HS6ST3: variants seen among roughly 807,000 people sequenced by gnomAD.
HS6ST3 encodes heparan-sulfate 6-O-sulfotransferase 3.
Under a neutral mutation model 36.7 loss-of-function variants are expected in HS6ST3, and 12 were observed. The observed-to-expected ratio is 0.33, with a 90% confidence interval of 0.21 to 0.53. The LOEUF (loss-of-function observed/expected upper bound fraction) is 0.53, where lower values mean the gene tolerates loss of function less well. HS6ST3 is among the 20% of genes least tolerant of loss of function. The pLI is 0.95. For synonymous variants in HS6ST3, 240 were observed against 257.5 expected (o/e 0.93, Z 0.65); for missense variants, 584 against 640.9 (o/e 0.91, Z 0.96).
At chr13:96,721,962 G>T (rs1339360841) in intron 1 of HS6ST3, among the ~76,000 whole-genome samples, 1 of 152,108 alleles carries the variant, frequency 6.6e-6, no homozygotes, top group Non-Finnish European at 1.5e-5. Flanking sequence ...GTAAGAGATG[G>T]TTACCCTGTA....
Position 96,698,966 on chromosome 13 carries a change from C to G in HS6ST3, c.708-133524C>G, listed in dbSNP as rs192547533. 3.2e-3 allele frequency among the ~76,000 whole-genome samples: 482 copies of G among 152,270 alleles called. 1 individual carries two copies. The highest frequency in any genetic ancestry group is 0.011 in the African/African-American group (459 of 41,548). On this transcript the variant is annotated intron_variant, in intron 1 of 1. Coordinates refer to ENST00000376705, the MANE Select transcript of HS6ST3 (RefSeq NM_153456.4). ...TGCTGCATATCTACAACTATCTGAT[C>G]TTTGACAAACCTGACAAAAACAAGA...
chr13:96,202,270 G>A (rs1443591269), intron 1 of HS6ST3, among the ~76,000 whole-genome samples: 2 of 152,148 alleles, frequency 1.3e-5, no homozygotes, highest in African/African-American at 2.4e-5. Flanking sequence ...GGGTAAAGGG[G>A]AAATGTATTT....
chr13:96,731,750 G>A (rs1253651478), intron 1 of HS6ST3, among the ~76,000 whole-genome samples: 1 of 151,696 alleles, frequency 6.6e-6, no homozygotes, highest in African/African-American at 2.4e-5. Flanking sequence ...CCTTCCCCCT[G>A]GCTCAGGCAA....
chr13:96,553,886 T>G (rs2056229453), intron 1 of HS6ST3, among the ~76,000 whole-genome samples: 1 of 152,148 alleles, frequency 6.6e-6, no homozygotes, highest in Admixed American at 6.5e-5. Context: ...AACAGCTTGA[T>G]GAAGGAGAGA....
chr13:96,142,750 C>T (rs546053433), intron 1 of HS6ST3, among the ~76,000 whole-genome samples: 54 of 152,164 alleles, frequency 3.5e-4, no homozygotes, highest in Non-Finnish European at 6.2e-4. Context: ...CATGAATACA[C>T]ATGAATAATT....
In HS6ST3 at chr13:96,521,613, T is replaced by C. The variant is rs142070214; in HGVS notation, c.708-310877T>C. The stretch of plus-strand genomic sequence containing the variant: ...ATGTGTCCAGGAATTTATCCCTTTC[T>C]TCTAGATTTTCTAGCTTATTTGCAT... On this transcript the variant is annotated intron_variant, in intron 1 of 1. Transcript: ENST00000376705. Among the ~76,000 whole-genome samples, 1,229 of 152,352 alleles carry C rather than the reference T, an allele frequency of 8.1e-3. 16 individuals carry two copies. Among genetic ancestry groups the C allele is most frequent in the African/African-American group, 0.028 (1,153 of 41,586 alleles).
At chr13:96,195,058 C>T (rs1301270859) in intron 1 of HS6ST3, among the ~76,000 whole-genome samples, 3 of 152,142 alleles carry the variant, frequency 2.0e-5, no homozygotes, top group African/African-American at 7.2e-5. Flanking sequence ...AGATATAAAA[C>T]CATTACTCCT....
rs773848241 is a variant in HS6ST3 at position 96,217,611 on chromosome 13, ATAAAC to A, written c.707+126046_707+126050del. On this transcript the variant is annotated intron_variant, in intron 1 of 1. Coordinates refer to ENST00000376705, the MANE Select transcript of HS6ST3 (RefSeq NM_153456.4). ...TCTCTATCTTTAATTTTACAAATGA[ATAAAC>A]TAAGTCACAGAGACGTTTAATAAAT... Among the ~76,000 whole-genome samples the A allele has an allele frequency of 1.6e-4, 25 of 152,330 alleles. 1 individual carries two copies. Among genetic ancestry groups the A allele is most frequent in the Middle Eastern group, 3.4e-3 (1 of 294 alleles).
At chr13:96,696,247 C>T (rs1456144122) in intron 1 of HS6ST3, among the ~76,000 whole-genome samples, 2 of 152,178 alleles carry the variant, frequency 1.3e-5, no homozygotes, top group Non-Finnish European at 2.9e-5. Flanking sequence ...TCTTCTTTCT[C>T]AAGGGTGTCT....
chr13:96,141,315 A>G lies in HS6ST3; in HGVS notation c.707+49746A>G, dbSNP rs1368037283. On this transcript the variant is annotated intron_variant, in intron 1 of 1. Transcript: ENST00000376705. ...TTGGTTCCAAAGATGCTTTATTCCT[A>G]AAGTCAGAAAGTATCTTGCCAGTAA... 2.0e-5 allele frequency among the ~76,000 whole-genome samples: 3 copies of G among 152,174 alleles called. No homozygotes were observed. In the East Asian group the frequency reaches 5.8e-4, roughly 29 times the overall value.
chr13:96,316,282 T>A (rs867998880), intron 1 of HS6ST3, among the ~76,000 whole-genome samples: 6 of 151,828 alleles, frequency 4.0e-5, no homozygotes, highest in African/African-American at 4.8e-5. Context: ...TGTGTGTGTG[T>A]GTGTGTGTGT....
In HS6ST3 at chr13:96,137,190, T is replaced by C. The variant is rs370855471; in HGVS notation, c.707+45621T>C. Among the ~76,000 whole-genome samples, 25 of 125,990 alleles carry C rather than the reference T, an allele frequency of 2.0e-4. No individual in the cohort carries two copies. The South Asian group carries it at 7.5e-3, about 38-fold the overall frequency. The allele number at this position is 125,990 out of a possible 152,430, so 82.7% of individuals were successfully genotyped here. A position where few individuals can be genotyped will look rare whatever the true frequency, so the allele number is the denominator to read the frequency against. On this transcript the variant is annotated intron_variant, in intron 1 of 1. Transcript: ENST00000376705. ...CCCCACCCCCATTTAATAACCACTTTCTGACTTCTGTAACCATTGATTAAT... is the reference window on the plus strand; with the variant it reads ...CCCCACCCCCATTTAATAACCACTTCCTGACTTCTGTAACCATTGATTAAT...
chr13:96,546,350 CA>C (rs1464436498), intron 1 of HS6ST3, among the ~76,000 whole-genome samples: 1 of 151,938 alleles, frequency 6.6e-6, no homozygotes, highest in African/African-American at 2.4e-5. Context: ...GTGTGTGAAA[CA>C]TAATTTAAGC....
chr13:96,456,230 G>A (rs751610662), intron 1 of HS6ST3, among the ~76,000 whole-genome samples: 3 of 152,148 alleles, frequency 2.0e-5, no homozygotes, highest in Non-Finnish European at 4.4e-5. Flanking sequence ...TTACTGATGT[G>A]TAATACTCAA....
intron 1 of HS6ST3, among the ~76,000 whole-genome samples, chr13:96,241,841 A>AGT (rs2139372947): frequency 7.0e-6 from 1 of 141,886 alleles, no homozygotes; most frequent in South Asian, 2.2e-4. Flanking sequence ...GCTGGAGTGC[A>AGT]GTGGTGCGAT....
intron 1 of HS6ST3, among the ~76,000 whole-genome samples, chr13:96,199,420 T>A (rs930999692): frequency 6.6e-6 from 1 of 152,228 alleles, no homozygotes; most frequent in African/African-American, 2.4e-5. Flanking sequence ...GTCTTGATAG[T>A]TACTTATTTA....
At chr13:96,629,851 T>G (rs2056525941) in intron 1 of HS6ST3, among the ~76,000 whole-genome samples, 1 of 152,120 alleles carries the variant, frequency 6.6e-6, no homozygotes, top group South Asian at 2.1e-4. Flanking sequence ...TCCTACCAAT[T>G]TTATTCATTA....
chr13:96,223,197 C>T (rs1472921229), intron 1 of HS6ST3, among the ~76,000 whole-genome samples: 1 of 152,126 alleles, frequency 6.6e-6, no homozygotes, highest in African/African-American at 2.4e-5. Context: ...CCAATGAGGA[C>T]AAGAATGGGA....
chr13:96,116,404 G>A (rs2053894458), intron 1 of HS6ST3, among the ~76,000 whole-genome samples: 1 of 152,126 alleles, frequency 6.6e-6, no homozygotes. Context: ...GAGGGAATAT[G>A]CTGGTGATGA....
Sources: allele counts gnomAD v4.1 joint callset (sites outside exome capture counted in the v4.1 genomes callset), GRCh38; gene constraint gnomAD v4.1.1; transcripts MANE v1.5; gene names NCBI Gene and HGNC (gene_info 2026-07-23, HGNC 2026-07-21).